The following HECW2 variants were observed in gnomAD, a reference collection of about 807,000 sequenced individuals.
HECW2 encodes HECT, C2 and WW domain containing E3 ubiquitin protein ligase 2, also known as E3 ubiquitin-protein ligase HECW2.
HECW2 carries 61 observed loss-of-function variants against 175.2 expected under a neutral mutation model. The ratio of observed to expected loss-of-function variants is 0.35; its 90% CI spans 0.28 to 0.43. The LOEUF is 0.43. HECW2 is among the 20% of genes least tolerant of loss of function. The pLI is 1.00. For missense variants in HECW2, 1,524 were observed against 2,000.5 expected (o/e 0.76, Z 4.54); for synonymous variants, 671 against 731.0 (o/e 0.92, Z 1.32).
At chr2:196,456,340 A>G (rs920502525) in intron 1 of HECW2, among the ~76,000 whole-genome samples, 2 of 152,242 alleles carry the variant, frequency 1.3e-5, no homozygotes, top group Non-Finnish European at 2.9e-5. Flanking sequence ...TTTATAAATG[A>G]GCCAGACTCT....
intron 1 of HECW2, among the ~76,000 whole-genome samples, chr2:196,491,510 A>G (rs1307881017): frequency 6.6e-6 from 1 of 150,592 alleles, no homozygotes; most frequent in African/African-American, 2.4e-5. Flanking sequence ...ATACACACAC[A>G]CACACACACA....
chr2:196,306,650 T>G (rs368288232), intron 12 of HECW2, 38 bp from the exon 13 acceptor site: 9 of 1,568,452 alleles, frequency 5.7e-6, no homozygotes, highest in Non-Finnish European at 7.8e-6. Context: ...CAGGGAAATC[T>G]TTCTATGATG....
chr2:196,489,297 G>T (rs981180385), intron 1 of HECW2, among the ~76,000 whole-genome samples: 16 of 152,162 alleles, frequency 1.1e-4, no homozygotes, highest in Non-Finnish European at 2.2e-4. Flanking sequence ...AAGAGAGAGA[G>T]ATATATAACT....
At chr2:196,522,937 C>A (rs1310274245) in intron 1 of HECW2, among the ~76,000 whole-genome samples, 1 of 152,128 alleles carries the variant, frequency 6.6e-6, no homozygotes, top group Non-Finnish European at 1.5e-5. Context: ...GTTCTTTTGA[C>A]TTAGGATTGA....
chr2:196,303,009 T>C (rs7601493), intron 13 of HECW2, among the ~76,000 whole-genome samples: 139,677 of 152,274 alleles, frequency 0.92, 64,425 homozygotes, highest in East Asian at 0.98. Context: ...AAGGGGAATG[T>C]TTCCAGCTTT....
At chr2:196,412,225 G>C (rs1047038347) in intron 2 of HECW2, among the ~76,000 whole-genome samples, 5 of 152,164 alleles carry the variant, frequency 3.3e-5, no homozygotes, top group Non-Finnish European at 7.3e-5. Flanking sequence ...ATGTTGACCA[G>C]GTTGTTTTCT....
chr2:196,468,047 T>A (rs995767697), intron 1 of HECW2, among the ~76,000 whole-genome samples: 5 of 152,010 alleles, frequency 3.3e-5, no homozygotes, highest in East Asian at 3.9e-4. Flanking sequence ...GGAGTCTCAC[T>A]CCGTTGCCCA....
intron 17 of HECW2, 73 bp from the exon 18 acceptor site, chr2:196,257,979 T>C: frequency 9.5e-7 from 1 of 1,051,438 alleles, no homozygotes. Flanking sequence ...TAAAGAGCAT[T>C]TTTTATAATA....
chr2:196,557,183 G>A (rs1689824010), intron 1 of HECW2, among the ~76,000 whole-genome samples: 1 of 152,120 alleles, frequency 6.6e-6, no homozygotes, highest in South Asian at 2.1e-4. Flanking sequence ...ATCACCTGAG[G>A]TCAGGAGTTC....
chr2:196,243,397 C>A (rs896050145), intron 19 of HECW2, among the ~76,000 whole-genome samples: 13 of 152,002 alleles, frequency 8.6e-5, no homozygotes, highest in African/African-American at 2.9e-4. Flanking sequence ...GAACTCCCGA[C>A]CTCAGGTAAT....
At chr2:196,417,284 T>G (rs1483526535) in intron 2 of HECW2, among the ~76,000 whole-genome samples, 3 of 152,210 alleles carry the variant, frequency 2.0e-5, no homozygotes, top group Admixed American at 6.5e-5. Context: ...AGTAATATAG[T>G]TTCCTTAGAT....
chr2:196,448,065 A>G (rs1470109556), intron 1 of HECW2, among the ~76,000 whole-genome samples: 1 of 152,214 alleles, frequency 6.6e-6, no homozygotes, highest in Non-Finnish European at 1.5e-5. Flanking sequence ...TCTCAAAAAC[A>G]AACAAAAAGT....
intron 14 of HECW2, 38 bp downstream of exon 14, chr2:196,292,527 G>A: frequency 1.3e-6 from 2 of 1,574,774 alleles, no homozygotes; most frequent in Non-Finnish European, 1.7e-6. Flanking sequence ...GCAGCCCACA[G>A]GCATTTGGCA....
rs946234074 is a variant in HECW2, at chr2:196,198,456, T to G, written c.*2821A>C. On this transcript the variant is annotated 3_prime_UTR_variant, in exon 29 of 29. Transcript: ENST00000644978. ...ACTTACCAAATTTTATTAAAAACAC[T>G]TTTTTGAACCTTGGAGTCTACTCTA... 1 of 152,224 alleles carries G rather than the reference T, an allele frequency of 6.6e-6. No individual in the cohort carries two copies. The highest frequency in any genetic ancestry group is 6.5e-5 in the Admixed American group (1 of 15,280). 9.4% of individuals were successfully genotyped at this position (152,224 alleles called of 1,614,324 possible). A position where few individuals can be genotyped will look rare whatever the true frequency, so the allele number is the denominator to read the frequency against.
At chr2:196,307,842 G>A in intron 11 of HECW2, 93 bp downstream of exon 11, 3 of 1,225,236 alleles carry the variant, frequency 2.4e-6, no homozygotes, top group Non-Finnish European at 3.3e-6. Flanking sequence ...GACACACAAA[G>A]ATCAAAGAGA....
chr2:196,521,622 T>C (rs1688392655), intron 1 of HECW2, among the ~76,000 whole-genome samples: 4 of 122,176 alleles, frequency 3.3e-5, no homozygotes, highest in African/African-American at 9.1e-5. Context: ...CCCAATGCTA[T>C]CCCTCCCCCC....
At chr2:196,396,586 T>C (rs1694666012) in intron 2 of HECW2, among the ~76,000 whole-genome samples, 2 of 152,248 alleles carry the variant, frequency 1.3e-5, no homozygotes, top group Admixed American at 1.3e-4. Context: ...AAGCTATCAA[T>C]GTATCTCTAT....
At chr2:196,370,225 T>C (rs1693868877) in intron 2 of HECW2, among the ~76,000 whole-genome samples, 1 of 152,078 alleles carries the variant, frequency 6.6e-6, no homozygotes, top group Non-Finnish European at 1.5e-5. Context: ...AAGGGCTCTT[T>C]AGTCAGCAGG....
intron 1 of HECW2, among the ~76,000 whole-genome samples, chr2:196,516,407 C>T (rs965798465): frequency 3.2e-5 from 4 of 126,080 alleles, no homozygotes; most frequent in Admixed American, 7.2e-5. Flanking sequence ...CCTACACACA[C>T]ACTTTTTCAA....
Sources: allele counts gnomAD v4.1 joint callset (sites outside exome capture counted in the v4.1 genomes callset), GRCh38; gene constraint gnomAD v4.1.1; transcripts MANE v1.5; gene names NCBI Gene and HGNC (gene_info 2026-07-23, HGNC 2026-07-21).